SS18: variants seen among roughly 807,000 people sequenced by gnomAD.
SS18 encodes protein SSXT.
In SS18, 28 loss-of-function variants were observed where a neutral mutation model predicts 72.5. That is an observed-to-expected ratio of 0.39 (90% CI 0.29 to 0.53). The LOEUF (loss-of-function observed/expected upper bound fraction) is 0.53, where lower values mean the gene tolerates loss of function less well. SS18 is among the 20% of genes least tolerant of loss of function. The probability of loss-of-function intolerance (pLI) is 0.76; values close to 1 mark genes in which losing one functional copy is unlikely to be tolerated. For synonymous variants in SS18, 172 were observed against 164.2 expected (o/e 1.05, Z -0.37); for missense variants, 518 against 535.3 (o/e 0.97, Z 0.32).
intron 3 of SS18, among the ~76,000 whole-genome samples, chr18:26,067,901 T>C (rs1017823986): frequency 1.3e-5 from 2 of 152,154 alleles, no homozygotes; most frequent in African/African-American, 4.8e-5. Flanking sequence ...CGAGGGATGA[T>C]TTCGGGATAA....
chr18:26,080,639 C>CT (rs746226880), intron 2 of SS18, among the ~76,000 whole-genome samples: 2 of 152,206 alleles, frequency 1.3e-5, no homozygotes, highest in Non-Finnish European at 2.9e-5. Context: ...CTTCTCTCAA[C>CT]TGTCAAATCT....
At chr18:26,058,948 T>C (rs890859551) in intron 3 of SS18, among the ~76,000 whole-genome samples, 1 of 152,182 alleles carries the variant, frequency 6.6e-6, no homozygotes, top group Non-Finnish European at 1.5e-5. Flanking sequence ...CTTTTAATCA[T>C]CCTTATTTAT....
rs144047735 is a variant in SS18 at position 26,087,435 on chromosome 18, A to G, written c.146+66T>C. 7.7e-5 allele frequency: 64 copies of G among 826,290 alleles called. No individual in the cohort carries two copies. The East Asian group carries it at 8.8e-4, about 11-fold the overall frequency. 51.2% of individuals were successfully genotyped at this position (826,290 alleles called of 1,614,324 possible). ...TGAATTATATCTCAATAAAGCTGTT[A>G]GTAAAAAGTAAAAAATTAACCAATA... On this transcript the variant is annotated intron_variant, in intron 2 of 10. Coordinates refer to ENST00000415083, the MANE Select transcript of SS18 (RefSeq NM_001007559.3).
chr18:26,069,408 G>A (rs1404886596), intron 3 of SS18, among the ~76,000 whole-genome samples: 1 of 150,520 alleles, frequency 6.6e-6, no homozygotes, highest in Non-Finnish European at 1.5e-5. Flanking sequence ...CATTTGAAAG[G>A]CAGATAAATT....
At chr18:26,028,793 ACTT>A (rs1303573550) in intron 10 of SS18, among the ~76,000 whole-genome samples, 1 of 152,112 alleles carries the variant, frequency 6.6e-6, no homozygotes, top group East Asian at 1.9e-4. Context: ...CACAGGGAAA[ACTT>A]CTGGGCATGA....
At chr18:26,023,210 C>A (rs2053383286) in intron 10 of SS18, among the ~76,000 whole-genome samples, 1 of 152,072 alleles carries the variant, frequency 6.6e-6, no homozygotes, top group Admixed American at 6.6e-5. Flanking sequence ...CCTAAAATGA[C>A]ATAGATTATT....
chr18:26,052,581 C>T, intron 5 of SS18, 43 bp downstream of exon 5: 1 of 1,500,686 alleles, frequency 6.7e-7, no homozygotes, highest in Non-Finnish European at 9.3e-7. Context: ...TTTTCAAAGG[C>T]TAATAGAGCA....
chr18:26,020,548 G>C (rs1363829609), intron 10 of SS18, among the ~76,000 whole-genome samples: 3 of 152,154 alleles, frequency 2.0e-5, no homozygotes, highest in African/African-American at 7.2e-5. Flanking sequence ...ACTTGAAAGA[G>C]ACCAGGTCAA....
At chr18:26,037,240 A>G (rs2053641600) in intron 7 of SS18, among the ~76,000 whole-genome samples, 1 of 152,132 alleles carries the variant, frequency 6.6e-6, no homozygotes, top group Non-Finnish European at 1.5e-5. Context: ...ATAACAAACC[A>G]ATATATTTTG....
rs1380116073 is a variant in SS18, at chr18:26,016,867, G to C, written c.*1487C>G. ...GATTACAGTATGTTGAGAACAGTAT[G>C]TTCTGCTTATTCAAATTTATGACGC... On this transcript the variant is annotated 3_prime_UTR_variant, in exon 11 of 11. Transcript: ENST00000415083. 4.3e-6 allele frequency: 1 copy of C among 230,474 alleles called. No individual in the cohort carries two copies. Among genetic ancestry groups the C allele is most frequent in the East Asian group, 6.2e-5 (1 of 16,206 alleles). The allele number at this position is 230,474 out of a possible 1,614,324, so 14.3% of individuals were successfully genotyped here. A position where few individuals can be genotyped will look rare whatever the true frequency, so the allele number is the denominator to read the frequency against.
intron 10 of SS18, among the ~76,000 whole-genome samples, chr18:26,030,859 A>G (rs1383822377): frequency 6.6e-6 from 1 of 152,204 alleles, no homozygotes; most frequent in Non-Finnish European, 1.5e-5. Flanking sequence ...AAAAACAATA[A>G]AGAATGAATC....
chr18:26,027,447 G>A (rs2053465057), intron 10 of SS18, among the ~76,000 whole-genome samples: 1 of 151,838 alleles, frequency 6.6e-6, no homozygotes, highest in Non-Finnish European at 1.5e-5. Flanking sequence ...AGGAGATCAA[G>A]ACCATCCTAG....
chr18:26,057,838 G>A (rs1400991004), intron 3 of SS18, 96 bp from the exon 4 acceptor site: 18 of 1,209,144 alleles, frequency 1.5e-5, no homozygotes, highest in Non-Finnish European at 1.8e-5. Context: ...ATTGCAGTAA[G>A]AACAAAAACA....
chr18:26,082,273 A>T, intron 2 of SS18: 1 of 619,158 alleles, frequency 1.6e-6, no homozygotes, highest in Non-Finnish European at 2.0e-6. Flanking sequence ...CTCATCAATT[A>T]CTTTGAATAA....
At chr18:26,025,037 C>T (rs1358471875) in intron 10 of SS18, among the ~76,000 whole-genome samples, 2 of 151,776 alleles carry the variant, frequency 1.3e-5, no homozygotes, top group Non-Finnish European at 1.5e-5. Flanking sequence ...GATTTCAGAG[C>T]AAAAAATATT....
At chr18:26,045,891 A>G (rs113024554) in intron 5 of SS18, among the ~76,000 whole-genome samples, 400 of 152,210 alleles carry the variant, frequency 2.6e-3, no homozygotes, top group Middle Eastern at 6.8e-3. Flanking sequence ...CATTAGAAAC[A>G]TTGAGAATTG....
At chr18:26,079,556 C>T (rs1193586899) in intron 2 of SS18, among the ~76,000 whole-genome samples, 1 of 152,042 alleles carries the variant, frequency 6.6e-6, no homozygotes, top group Non-Finnish European at 1.5e-5. Flanking sequence ...TAAAAGGAAT[C>T]CGAGTTTTTC....
At chr18:26,052,048 C>T (rs1598569344) in intron 5 of SS18, among the ~76,000 whole-genome samples, 1 of 152,114 alleles carries the variant, frequency 6.6e-6, no homozygotes, top group East Asian at 1.9e-4. Flanking sequence ...CAGAACAGAG[C>T]GCCACTTACT....
intron 5 of SS18, among the ~76,000 whole-genome samples, chr18:26,047,340 T>G (rs2053843417): frequency 6.6e-6 from 1 of 151,878 alleles, no homozygotes; most frequent in African/African-American, 2.4e-5. Flanking sequence ...CAAATCAGTT[T>G]CTTTAATAAA....
Sources: allele counts gnomAD v4.1 joint callset (sites outside exome capture counted in the v4.1 genomes callset), GRCh38; gene constraint gnomAD v4.1.1; transcripts MANE v1.5; gene names NCBI Gene and HGNC (gene_info 2026-07-23, HGNC 2026-07-21).